FRK: variants seen among roughly 807,000 people sequenced by gnomAD.
FRK encodes tyrosine-protein kinase FRK.
FRK carries 51 observed loss-of-function variants against 56.4 expected under a neutral mutation model. That is an observed-to-expected ratio of 0.90 (90% CI 0.72 to 1.14). The LOEUF is 1.14. Ranked by LOEUF, FRK falls within the 50% of genes most tolerant of loss-of-function variation. The pLI is 0.00. For synonymous variants in FRK, 245 were observed against 217.9 expected, an observed-to-expected ratio of 1.12 and a Z score of -1.10; for missense variants, 570 against 601.4, an observed-to-expected ratio of 0.95 and a Z score of 0.55.
At chr6:116,056,131 T>G (rs1777387935) in intron 1 of FRK, among the ~76,000 whole-genome samples, 1 of 152,064 alleles carries the variant, frequency 6.6e-6, no homozygotes, top group Non-Finnish European at 1.5e-5. Context: ...CTAGTTCAAT[T>G]TAACACAAAA....
At chr6:116,091,891 T>C in the FRK span, among the ~76,000 whole-genome samples, 3 of 152,116 alleles carry the variant, frequency 2.0e-5, no homozygotes, top group Non-Finnish European at 2.9e-5. Flanking sequence ...AGACAAAAAG[T>C]TGGTTGACCC....
chr6:115,969,683 T>C (rs756239373), intron 2 of FRK, among the ~76,000 whole-genome samples: 3 of 152,094 alleles, frequency 2.0e-5, no homozygotes, highest in Non-Finnish European at 4.4e-5. Flanking sequence ...GGCTGTTGTT[T>C]TGGTTTTGGT....
chr6:116,088,639 A>T, the FRK span, among the ~76,000 whole-genome samples: 1 of 152,194 alleles, frequency 6.6e-6, no homozygotes, highest in African/African-American at 2.4e-5. Flanking sequence ...GTTTCTTCTT[A>T]TGTATGGTCG....
the FRK span, among the ~76,000 whole-genome samples, chr6:116,090,431 G>A: frequency 1.3e-5 from 2 of 152,178 alleles, no homozygotes; most frequent in African/African-American, 4.8e-5. Flanking sequence ...CTTTTTCTGT[G>A]GTTCCAAAAC....
At chr6:116,074,103 A>G in the FRK span, among the ~76,000 whole-genome samples, 1 of 152,226 alleles carries the variant, frequency 6.6e-6, no homozygotes, top group Non-Finnish European at 1.5e-5. Flanking sequence ...GAAAAGATTA[A>G]GAAAATCTTC....
In FRK at chr6:115,936,842, A is replaced by G. The variant is rs528894351; in HGVS notation, c.*5572T>C. The G allele has an allele frequency of 6.6e-6, 1 of 152,248 alleles. No homozygotes were observed. Among genetic ancestry groups the G allele is most frequent in the East Asian group, 1.9e-4 (1 of 5,196 alleles). The allele number at this position is 152,248 out of a possible 1,614,324, so 9.4% of individuals were successfully genotyped here. A position where few individuals can be genotyped will look rare whatever the true frequency, so the allele number is the denominator to read the frequency against. The stretch of plus-strand genomic sequence containing the variant: ...GGGATTATGTGAAAACACCAAGTCT[A>G]CGTTTGATTGGTGTACCTGAAAGTG... On this transcript the variant is annotated 3_prime_UTR_variant, in exon 8 of 8. Coordinates refer to ENST00000606080, the MANE Select transcript of FRK (RefSeq NM_002031.3).
chr6:115,995,578 A>T (rs1043932425), intron 2 of FRK, among the ~76,000 whole-genome samples: 6 of 152,164 alleles, frequency 3.9e-5, no homozygotes, highest in Non-Finnish European at 5.9e-5. Flanking sequence ...ACAAGTCAAT[A>T]TGAGGGGTTC....
At position 116,036,376 on chromosome 6, in the gene FRK, A is replaced by G. The variant is rs1363730227; in HGVS notation, c.344+23592T>C. On this transcript the variant is annotated intron_variant, in intron 1 of 7. Coordinates refer to ENST00000606080, the MANE Select transcript of FRK (RefSeq NM_002031.3). ...ACTGCTGGATCAAACTAAAACATTC[A>G]TTACTTATACCCCTATTTCTATACA... Among the ~76,000 whole-genome samples the G allele has an allele frequency of 2.6e-5, 4 of 152,300 alleles. No individual in the cohort carries two copies. The East Asian group carries it at 7.7e-4, about 29-fold the overall frequency.
intron 2 of FRK, among the ~76,000 whole-genome samples, chr6:116,003,464 C>T (rs1415548507): frequency 6.6e-6 from 1 of 152,094 alleles, no homozygotes; most frequent in African/African-American, 2.4e-5. Flanking sequence ...TTGCATTAAT[C>T]ATTTCAATTC....
At chr6:115,990,836 G>A (rs1582686791) in intron 2 of FRK, among the ~76,000 whole-genome samples, 1 of 151,804 alleles carries the variant, frequency 6.6e-6, no homozygotes, top group African/African-American at 2.4e-5. Context: ...GATAGAAACT[G>A]CATTGAATTT....
At position 115,934,486 on chromosome 6, in the gene FRK, G is replaced by A. The variant is rs1398801433; in HGVS notation, c.*7928C>T. The A allele has an allele frequency of 6.6e-6, 1 of 152,182 alleles. No homozygotes were observed. The highest frequency in any genetic ancestry group is 1.9e-4 in the East Asian group (1 of 5,202). 9.4% of individuals were successfully genotyped at this position (152,182 alleles called of 1,614,324 possible). On this transcript the variant is annotated 3_prime_UTR_variant, in exon 8 of 8. Coordinates refer to ENST00000606080, the MANE Select transcript of FRK (RefSeq NM_002031.3). ...CGGAACCCCAGTTTTGCCATTGATA[G>A]CCATCTGTGACCCTGGGAAGGAGGG... is the stretch of plus-strand genomic sequence containing the variant.
chr6:115,990,498 C>A (rs1228940499), intron 2 of FRK, among the ~76,000 whole-genome samples: 1 of 151,894 alleles, frequency 6.6e-6, no homozygotes, highest in African/African-American at 2.4e-5. Flanking sequence ...TACGGCTACA[C>A]AATTTTCCCA....
the FRK span, among the ~76,000 whole-genome samples, chr6:116,092,961 T>C: frequency 6.6e-6 from 1 of 152,162 alleles, no homozygotes; most frequent in Non-Finnish European, 1.5e-5. Context: ...ATATTCTCTC[T>C]CTGATAGGGA....
At chr6:116,038,225 T>C (rs1776560772) in intron 1 of FRK, among the ~76,000 whole-genome samples, 1 of 152,066 alleles carries the variant, frequency 6.6e-6, no homozygotes, top group African/African-American at 2.4e-5. Context: ...CCAACCAAGC[T>C]CAGAAAGGCA....
At chr6:116,064,189 C>T (rs1206613363), upstream of FRK, among the ~76,000 whole-genome samples, 3 of 152,206 alleles carry the variant, frequency 2.0e-5, no homozygotes, top group Non-Finnish European at 4.4e-5. Flanking sequence ...GCATCCTCCT[C>T]TACCTGCTCC....
At chr6:115,955,100 C>G (rs151274833) in intron 5 of FRK, among the ~76,000 whole-genome samples, 4 of 151,942 alleles carry the variant, frequency 2.6e-5, no homozygotes, top group Admixed American at 2.6e-4. Flanking sequence ...AAAAATTAAA[C>G]AATGAGATTA....
intron 1 of FRK, among the ~76,000 whole-genome samples, chr6:116,042,370 G>A (rs573243271): frequency 5.3e-5 from 8 of 152,200 alleles, no homozygotes; most frequent in Non-Finnish European, 1.0e-4. Context: ...AGGCCCACTA[G>A]ACTAGCAGCA....
At chr6:116,039,230 T>C (rs1486047114) in intron 1 of FRK, 4 of 1,487,440 alleles carry the variant, frequency 2.7e-6, no homozygotes, top group Non-Finnish European at 3.7e-6. Flanking sequence ...TGGAGCAAGG[T>C]CGTCCTGGCC....
chr6:116,049,586 C>A (rs1256627335), intron 1 of FRK, among the ~76,000 whole-genome samples: 1 of 152,136 alleles, frequency 6.6e-6, no homozygotes. Context: ...GCTCTGAGAG[C>A]AAGCTGGAGG....
Sources: allele counts gnomAD v4.1 joint callset (sites outside exome capture counted in the v4.1 genomes callset), GRCh38; gene constraint gnomAD v4.1.1; transcripts MANE v1.5; gene names NCBI Gene and HGNC (gene_info 2026-07-23, HGNC 2026-07-21).